The following NUP205 variants were observed in gnomAD, a reference collection of about 807,000 sequenced individuals.
NUP205 encodes the protein nuclear pore complex protein Nup205.
A neutral mutation model predicts 253.8 loss-of-function variants in NUP205; 76 were observed. The observed-to-expected ratio is 0.30, with a 90% confidence interval of 0.25 to 0.36. The LOEUF is 0.36. NUP205 is among the 10% of genes least tolerant of loss of function. The pLI, the probability that NUP205 is intolerant of heterozygous loss-of-function variation, is 1.00. For missense variants in NUP205, 2,162 were observed against 2,425.5 expected, an observed-to-expected ratio of 0.89 and a Z score of 2.28; for synonymous variants, 832 against 850.1, an observed-to-expected ratio of 0.98 and a Z score of 0.37.
intron 22 of NUP205, among the ~76,000 whole-genome samples, chr7:135,612,225 G>C (rs1794258011): frequency 6.6e-6 from 1 of 152,202 alleles, no homozygotes; most frequent in African/African-American, 2.4e-5. Context: ...TGTGAAAACT[G>C]AATTGGTGAA....
chr7:135,562,018 A>G (rs1805596934), intron 1 of NUP205, among the ~76,000 whole-genome samples: 1 of 151,442 alleles, frequency 6.6e-6, no homozygotes, highest in Admixed American at 6.6e-5. Context: ...CCCAAGTTTA[A>G]ATGATTCTCC....
chr7:135,595,381 G>A (rs945341565), intron 13 of NUP205, among the ~76,000 whole-genome samples: 6 of 151,858 alleles, frequency 4.0e-5, no homozygotes, highest in Admixed American at 6.6e-5. Context: ...GCATTACCAC[G>A]CCCAGCTAAT....
chr7:135,569,612 A>G (rs566687095), intron 1 of NUP205, among the ~76,000 whole-genome samples: 170 of 151,990 alleles, frequency 1.1e-3, no homozygotes, highest in African/African-American at 3.5e-3. Context: ...TATAAAATGG[A>G]GGAAGCCATA....
chr7:135,630,416 T>A lies in NUP205; in HGVS notation c.5005T>A (p.Ser1669Thr). The A allele has an allele frequency of 6.2e-7, 1 of 1,611,150 alleles. No individual in the cohort carries two copies. The highest frequency in any genetic ancestry group is 8.5e-7 in the Non-Finnish European group (1 of 1,178,148). Residue 1669 changes from serine (S) to threonine (T), a missense_variant, in exon 35 of 43, where the codon TCT becomes ACT. This residue lies in a region of NUP205 where 1,144 missense variants were observed against 1,280.9 expected (regional missense o/e 0.89). Transcript: ENST00000285968. Reference protein sequence around the residue: ...ILRCQDVSAGSLQELALLTGI... With the variant: ...ILRCQDVSAGTLQELALLTGI... ...GCGCTGTCAGGATGTTAGTGCTGGG[T>A]CTTTGCAGGAATTGGCTCTGCTGAC... is the stretch of plus-strand genomic sequence containing the variant.
At chr7:135,585,433 T>A (rs1806431341) in intron 8 of NUP205, among the ~76,000 whole-genome samples, 1 of 152,172 alleles carries the variant, frequency 6.6e-6, no homozygotes, top group Non-Finnish European at 1.5e-5. Flanking sequence ...CTTCTGTGGG[T>A]AGAAAATTAC....
chr7:135,561,206 T>C (rs1388654037), intron 1 of NUP205, among the ~76,000 whole-genome samples: 3 of 152,018 alleles, frequency 2.0e-5, no homozygotes, highest in Non-Finnish European at 4.4e-5. Flanking sequence ...TAGCCTGGCA[T>C]GATGGCAGGT....
intron 6 of NUP205, 89 bp downstream of exon 6, chr7:135,578,113 TAA>T: frequency 1.2e-6 from 1 of 863,670 alleles, no homozygotes; most frequent in Non-Finnish European, 1.9e-6. Context: ...TTTTAGCTAC[TAA>T]AATAGTCTGC....
At chr7:135,613,109 T>A (rs1356169502) in intron 22 of NUP205, among the ~76,000 whole-genome samples, 1 of 152,038 alleles carries the variant, frequency 6.6e-6, no homozygotes, top group Non-Finnish European at 1.5e-5. Flanking sequence ...ATTTGCTGAT[T>A]TATAATATGA....
intron 1 of NUP205, among the ~76,000 whole-genome samples, chr7:135,565,569 A>T (rs1201988686): frequency 6.6e-6 from 1 of 151,714 alleles, no homozygotes; most frequent in Non-Finnish European, 1.5e-5. Flanking sequence ...AGTAGCTGGG[A>T]TTACAGGCAC....
rs1180200291 is a variant in NUP205 at position 135,606,200 on chromosome 7, C to G, written c.2879C>G (p.Ala960Gly). Reference protein sequence around the residue: ...GFVECLDCEDAEEFVRLEEGS... With the variant: ...GFVECLDCEDGEEFVRLEEGS... ...GTGGAGTGTTTGGATTGTGAAGATGCAGAAGAATTTGTACGTCTGGAAGAG... is the reference window on the plus strand; with the variant it reads ...GTGGAGTGTTTGGATTGTGAAGATGGAGAAGAATTTGTACGTCTGGAAGAG... The change falls in exon 20 of 43, where the codon GCA (alanine) becomes GGA (glycine). Residue 960 changes from alanine (A) to glycine (G), a missense_variant. Transcript: ENST00000285968. 6.2e-7 allele frequency: 1 copy of G among 1,612,230 alleles called. No individual in the cohort carries two copies. The highest frequency in any genetic ancestry group is 1.1e-5 in the South Asian group (1 of 91,004).
In NUP205 at chr7:135,617,615, T is replaced by A. The variant is rs773340629; in HGVS notation, c.3704T>A (p.Val1235Asp). 6.2e-7 allele frequency: 1 copy of A among 1,612,308 alleles called. No individual in the cohort carries two copies. The highest frequency in any genetic ancestry group is 1.3e-5 in the African/African-American group (1 of 74,850). The change falls in exon 27 of 43, where the codon GTT becomes GAT. Residue 1235 changes from valine to aspartate, a missense_variant. Transcript: ENST00000285968. The stretch of plus-strand genomic sequence containing the variant: ...CTAATTATCCAGCTTCTTCATAGGG[T>A]TCTTGTAGCTGAAGTAAATGCCCTT... ...TVCNVKLLHR[V>D]LVAEVNALQG...
chr7:135,576,417 CT>C lies in NUP205; in HGVS notation c.488+8del. On this transcript the variant is annotated splice_donor_region_variant and intron_variant, in intron 4 of 42. Transcript: ENST00000285968. ...AAGACATGGACCCTAGAACTCAGGT[CT>C]TTTTACTTCTTGGGATTTCAGGGGT... The C allele has an allele frequency of 6.2e-7, 1 of 1,602,460 alleles. No homozygotes were observed. Among genetic ancestry groups the C allele is most frequent in the South Asian group, 1.1e-5 (1 of 88,130 alleles).
intron 1 of NUP205, among the ~76,000 whole-genome samples, chr7:135,565,765 A>C (rs570000168): frequency 1.3e-5 from 2 of 152,160 alleles, no homozygotes; most frequent in Non-Finnish European, 2.9e-5. Flanking sequence ...TAGTCCATCA[A>C]CCACACTAGA....
intron 22 of NUP205, among the ~76,000 whole-genome samples, chr7:135,610,675 A>G (rs528736038): frequency 1.2e-4 from 19 of 152,352 alleles, no homozygotes; most frequent in Middle Eastern, 3.4e-3. Context: ...TGCTCCATTT[A>G]TAACTAAATA....
intron 2 of NUP205, among the ~76,000 whole-genome samples, chr7:135,572,957 C>CT (rs1298720854): frequency 1.7e-4 from 20 of 115,142 alleles, no homozygotes; most frequent in Admixed American, 5.1e-4. Flanking sequence ...TTTTTTTTTT[C>CT]TTTTTTTTTC....
chr7:135,622,987 C>A, intron 31 of NUP205, 62 bp downstream of exon 31: 1 of 1,534,896 alleles, frequency 6.5e-7, no homozygotes, highest in Non-Finnish European at 8.9e-7. Flanking sequence ...AAGGTATAAA[C>A]TGATTCACGG....
chr7:135,598,076 G>A lies in NUP205; in HGVS notation c.2143G>A (p.Val715Met), dbSNP rs1793886121. Residue 715 changes from valine (V) to methionine (M), a missense_variant, in exon 15 of 43, where the codon GTG becomes ATG. Physicochemically the swap from Val to Met is conservative, Grantham distance 21. Transcript: ENST00000285968. ...CTTTTGCCAGCTTATTAGTACTCTG[G>A]TGGAGAGCTCATTTCCTTCTAATTT... ...RAFCQLISTL[V>M]ESSFPSNLGA... is the part of the protein sequence containing the mutation. 7 of 1,614,080 alleles carry A rather than the reference G, an allele frequency of 4.3e-6. No individual in the cohort carries two copies. The East Asian group carries it at 1.6e-4, about 36-fold the overall frequency.
At chr7:135,576,861 G>T in intron 4 of NUP205, 108 bp from the exon 5 acceptor site, 1 of 1,031,980 alleles carries the variant, frequency 9.7e-7, no homozygotes, top group African/African-American at 1.6e-5. Context: ...CAGCCTGGGT[G>T]ACAGAGCAAG....
chr7:135,594,892 T>C (rs1160712637), intron 13 of NUP205, among the ~76,000 whole-genome samples, 163 bp downstream of exon 13: 1 of 152,192 alleles, frequency 6.6e-6, no homozygotes, highest in East Asian at 1.9e-4. Context: ...ACTAATAGGC[T>C]TGGGTTTTTC....
Sources: allele counts gnomAD v4.1 joint callset (sites outside exome capture counted in the v4.1 genomes callset), GRCh38; gene constraint gnomAD v4.1.1; regional missense constraint gnomAD v4.1.1; transcripts MANE v1.5; gene names NCBI Gene and HGNC (gene_info 2026-07-23, HGNC 2026-07-21).